CAPRIN1: variants seen among roughly 807,000 people sequenced by gnomAD.
The protein encoded by CAPRIN1 is cell cycle associated protein 1.
Under a neutral mutation model 100.9 loss-of-function variants are expected in CAPRIN1, and 29 were observed. The ratio of observed to expected loss-of-function variants is 0.29; its 90% CI spans 0.21 to 0.39. The LOEUF is 0.39. CAPRIN1 is among the 10% of genes least tolerant of loss of function. The pLI is 1.00. For missense variants in CAPRIN1, 795 were observed against 876.7 expected, an observed-to-expected ratio of 0.91 and a Z score of 1.18; for synonymous variants, 338 against 307.5, an observed-to-expected ratio of 1.10 and a Z score of -1.04.
At chr11:34,096,291 G>A in intron 15 of CAPRIN1, 188 bp from the exon 16 acceptor site, 1 of 472,908 alleles carries the variant, frequency 2.1e-6, no homozygotes, top group South Asian at 3.5e-5. Context: ...ACCCCCAATA[G>A]CTGAGTCTAA....
intron 15 of CAPRIN1, chr11:34,095,878 A>G (rs534213143): frequency 6.6e-6 from 1 of 152,330 alleles, no homozygotes; most frequent in South Asian, 2.1e-4. Flanking sequence ...TGTTTTCTAA[A>G]TTGGCTATAC....
At chr11:34,071,575 AT>A in intron 2 of CAPRIN1, 150 bp from the exon 3 acceptor site, 7 of 576,252 alleles carry the variant, frequency 1.2e-5, no homozygotes, top group East Asian at 9.0e-5. Flanking sequence ...AAAAAAAAAA[AT>A]TTATGTACTT....
At chr11:34,053,227 C>CGATTTGCT in intron 2 of CAPRIN1, 1 of 866,472 alleles carries the variant, frequency 1.2e-6, no homozygotes, top group Non-Finnish European at 1.4e-6. Context: ...AATGGGTCTT[C>CGATTTGCT]GATTTGCTAC....
At chr11:34,087,256 A>T (rs2134125830) in intron 11 of CAPRIN1, among the ~76,000 whole-genome samples, 1 of 151,718 alleles carries the variant, frequency 6.6e-6, no homozygotes, top group Non-Finnish European at 1.5e-5. Context: ...GAGTAAAAGT[A>T]TGTTTAATGA....
intron 15 of CAPRIN1, among the ~76,000 whole-genome samples, chr11:34,092,314 T>G (rs1039718940): frequency 3.3e-5 from 5 of 152,200 alleles, no homozygotes; most frequent in African/African-American, 1.2e-4. Flanking sequence ...CATTGTATAA[T>G]TTATATGGAA....
intron 2 of CAPRIN1, among the ~76,000 whole-genome samples, chr11:34,062,624 CAAAAA>C (rs36059851): frequency 3.0e-5 from 3 of 100,584 alleles, no homozygotes; most frequent in African/African-American, 3.6e-5. Context: ...AACTCCGTCT[CAAAAA>C]AAAAAAAAAA....
chr11:34,076,169 C>T, intron 4 of CAPRIN1, 67 bp from the exon 5 acceptor site: 1 of 1,116,134 alleles, frequency 9.0e-7, no homozygotes. Flanking sequence ...TTAAGCTGGA[C>T]CTGAAATGGA....
At chr11:34,098,038 G>A (rs1008011195) in intron 18 of CAPRIN1, 1 of 1,120,816 alleles carries the variant, frequency 8.9e-7, no homozygotes, top group Non-Finnish European at 1.1e-6. Flanking sequence ...TATTTTTCAG[G>A]TCCTAAAACC....
intron 7 of CAPRIN1, among the ~76,000 whole-genome samples, chr11:34,082,249 C>T (rs1851047440): frequency 6.6e-6 from 1 of 151,814 alleles, no homozygotes; most frequent in Non-Finnish European, 1.5e-5. Flanking sequence ...GCACAATGGC[C>T]TGATCTCGGC....
chr11:34,089,210 A>G (rs1250930808), intron 11 of CAPRIN1, among the ~76,000 whole-genome samples, 185 bp from the exon 12 acceptor site: 2 of 107,910 alleles, frequency 1.9e-5, no homozygotes, highest in East Asian at 6.7e-4. Flanking sequence ...CAGAGGTTGC[A>G]GTGAGCTAAG....
chr11:34,076,734 T>C, intron 6 of CAPRIN1, 92 bp downstream of exon 6: 3 of 938,738 alleles, frequency 3.2e-6, no homozygotes, highest in Non-Finnish European at 4.9e-6. Flanking sequence ...AGAAAAAAAT[T>C]AGTTTTTTTT....
intron 12 of CAPRIN1, 77 bp downstream of exon 12, chr11:34,089,533 G>A: frequency 1.3e-6 from 1 of 788,700 alleles, no homozygotes; most frequent in Non-Finnish European, 2.2e-6. Flanking sequence ...TTAGGAGGCT[G>A]AGATGGGAGG....
At chr11:34,079,992 C>T (rs980657662) in intron 7 of CAPRIN1, among the ~76,000 whole-genome samples, 4 of 149,812 alleles carry the variant, frequency 2.7e-5, no homozygotes, top group African/African-American at 5.0e-5. Context: ...GGCGTGATCT[C>T]GGCTCACTGC....
At chr11:34,086,787 C>T (rs1590741352) in intron 11 of CAPRIN1, among the ~76,000 whole-genome samples, 1 of 152,184 alleles carries the variant, frequency 6.6e-6, no homozygotes. Context: ...CACTTCCGTA[C>T]TTGTAACTGT....
chr11:34,098,188 T>C, intron 18 of CAPRIN1: 1 of 996,614 alleles, frequency 1.0e-6, no homozygotes, highest in Non-Finnish European at 1.2e-6. Context: ...CAGACACCCT[T>C]TAATGGCCGG....
chr11:34,060,706 T>C (rs906148071), intron 2 of CAPRIN1, among the ~76,000 whole-genome samples: 2 of 152,232 alleles, frequency 1.3e-5, no homozygotes, highest in African/African-American at 4.8e-5. Flanking sequence ...CCATGGCAGC[T>C]ATCTTCAAAT....
intron 9 of CAPRIN1, among the ~76,000 whole-genome samples, chr11:34,084,100 A>G (rs191814280): frequency 6.6e-6 from 1 of 152,038 alleles, no homozygotes; most frequent in African/African-American, 2.4e-5. Context: ...AGAGATTGCA[A>G]AGTTTTTTTT....
At position 34,076,577 on chromosome 11, in the gene CAPRIN1, A is replaced by G; in HGVS notation, c.623A>G (p.Glu208Gly). ...DMSLRLNEQY[E>G]HASIHLWDLL... ...ATTAAAAGGTTGAATGAACAGTATGAACATGCCTCCATTCACCTGTGGGAC... is the reference window on the plus strand; with the variant it reads ...ATTAAAAGGTTGAATGAACAGTATGGACATGCCTCCATTCACCTGTGGGAC... Residue 208 changes from glutamate to glycine, a missense_variant, in exon 6 of 19, where the codon GAA becomes GGA. Glu to Gly is a moderately conservative substitution (Grantham distance 98). Transcript: ENST00000341394. The G allele has an allele frequency of 5.0e-6, 8 of 1,613,906 alleles. No homozygotes were observed. Among genetic ancestry groups the G allele is most frequent in the Non-Finnish European group, 6.8e-6 (8 of 1,179,764 alleles).
intron 7 of CAPRIN1, among the ~76,000 whole-genome samples, chr11:34,081,038 A>G (rs1851018843): frequency 6.6e-6 from 1 of 152,208 alleles, no homozygotes; most frequent in Non-Finnish European, 1.5e-5. Context: ...TTTGCATTAT[A>G]CATTATCTGA....
Sources: allele counts gnomAD v4.1 joint callset (sites outside exome capture counted in the v4.1 genomes callset), GRCh38; gene constraint gnomAD v4.1.1; transcripts MANE v1.5; gene names NCBI Gene and HGNC (gene_info 2026-07-23, HGNC 2026-07-21).